Variants in SIPA1L1 observed in about 807,000 individuals in gnomAD.
SIPA1L1 encodes signal induced proliferation associated 1 like 1.
In SIPA1L1, 26 loss-of-function variants were observed where a neutral mutation model predicts 162.7. The ratio of observed to expected loss-of-function variants is 0.16; its 90% confidence interval spans 0.12 to 0.22. The LOEUF (loss-of-function observed/expected upper bound fraction) is 0.22. SIPA1L1 is among the 10% of genes least tolerant of loss of function. The probability of loss-of-function intolerance (pLI) is 1.00; values close to 1 mark genes in which losing one functional copy is unlikely to be tolerated. For missense variants in SIPA1L1, 1,874 were observed against 2,241.0 expected (o/e 0.84, Z 3.31); for synonymous variants, 829 against 837.4 (o/e 0.99, Z 0.17).
intron 4 of SIPA1L1, among the ~76,000 whole-genome samples, chr14:71,559,202 G>GGATTACAGGCATGCGCCACCA (rs1185954437): frequency 3.3e-5 from 5 of 151,808 alleles, no homozygotes; most frequent in African/African-American, 4.8e-5. Context: ...CGAGTACCTG[G>GGATTACAGGCATGCGCCACCA]GATTACAGGC....
intron 17 of SIPA1L1, among the ~76,000 whole-genome samples, chr14:71,717,812 G>T (rs2150123037): frequency 6.6e-6 from 1 of 152,274 alleles, no homozygotes; most frequent in South Asian, 2.1e-4. Flanking sequence ...AGAGTGGGAG[G>T]AGTTGAGGGG....
At chr14:71,682,058 AC>A (rs1261354618) in intron 12 of SIPA1L1, among the ~76,000 whole-genome samples, 1 of 152,320 alleles carries the variant, frequency 6.6e-6, no homozygotes, top group Non-Finnish European at 1.5e-5. Context: ...ACACAGTCTT[AC>A]CTACATAGTA....
chr14:71,646,398 A>G (rs1205062242), intron 7 of SIPA1L1, among the ~76,000 whole-genome samples: 5 of 152,104 alleles, frequency 3.3e-5, no homozygotes, highest in African/African-American at 7.2e-5. Context: ...GGATGCTCTC[A>G]ATCTCCTGAC....
chr14:71,585,674 G>A (rs954467960), intron 4 of SIPA1L1, among the ~76,000 whole-genome samples: 2 of 152,204 alleles, frequency 1.3e-5, no homozygotes, highest in Non-Finnish European at 2.9e-5. Flanking sequence ...TCCTTTTAGA[G>A]AATGAATGTT....
chr14:71,711,052 G>A (rs1194303847), intron 17 of SIPA1L1, among the ~76,000 whole-genome samples: 1 of 151,956 alleles, frequency 6.6e-6, no homozygotes, highest in East Asian at 1.9e-4. Flanking sequence ...TAAAATGTCA[G>A]GCCCCATGGA....
At chr14:71,681,133 A>G (rs1328432986) in intron 12 of SIPA1L1, among the ~76,000 whole-genome samples, 1 of 152,256 alleles carries the variant, frequency 6.6e-6, no homozygotes, top group East Asian at 1.9e-4. Context: ...GGAACCAGCT[A>G]GCATGACAGC....
intron 7 of SIPA1L1, among the ~76,000 whole-genome samples, chr14:71,642,061 C>G (rs2041768111): frequency 2.0e-5 from 3 of 152,340 alleles, no homozygotes; most frequent in Middle Eastern, 3.4e-3. Context: ...ATTTCTGCTT[C>G]TTGCTAAGAT....
chr14:71,574,725 C>T (rs2032712847), intron 4 of SIPA1L1: 1 of 150,948 alleles, frequency 6.6e-6, no homozygotes, highest in Non-Finnish European at 1.5e-5. Context: ...AAAAAGACTT[C>T]CTGCCACAAG....
intron 3 of SIPA1L1, among the ~76,000 whole-genome samples, chr14:71,513,341 G>A (rs774017625): frequency 3.3e-4 from 50 of 152,044 alleles, no homozygotes; most frequent in Non-Finnish European, 6.0e-4. Context: ...GAATTTGTTG[G>A]TGTGTGTAGA....
At chr14:71,635,889 A>G (rs1346323378) in intron 7 of SIPA1L1, among the ~76,000 whole-genome samples, 1 of 152,204 alleles carries the variant, frequency 6.6e-6, no homozygotes, top group Non-Finnish European at 1.5e-5. Flanking sequence ...CCATGCAAAC[A>G]TGAATCAAAG....
chr14:71,607,158 G>A (rs908748257), intron 5 of SIPA1L1, among the ~76,000 whole-genome samples: 3 of 151,690 alleles, frequency 2.0e-5, no homozygotes, highest in Admixed American at 6.6e-5. Flanking sequence ...AAGCTTCTCC[G>A]AGTTCCAGGG....
chr14:71,637,642 T>G (rs1172718926), intron 7 of SIPA1L1, among the ~76,000 whole-genome samples: 3 of 151,986 alleles, frequency 2.0e-5, no homozygotes. Context: ...GAGGATCAAT[T>G]AAGTCCAGAA....
intron 17 of SIPA1L1, among the ~76,000 whole-genome samples, chr14:71,719,321 C>G (rs1006764745): frequency 2.0e-5 from 3 of 152,138 alleles, no homozygotes; most frequent in African/African-American, 4.8e-5. Flanking sequence ...ATATCCATGT[C>G]AAGAATATAC....
intron 2 of SIPA1L1, among the ~76,000 whole-genome samples, chr14:71,363,631 A>G (rs138745831): frequency 2.0e-5 from 3 of 152,326 alleles, no homozygotes; most frequent in South Asian, 2.1e-4. Context: ...ATTTTAAATG[A>G]TTGTCATCTT....
At chr14:71,501,523 G>A (rs1287344976) in intron 2 of SIPA1L1, among the ~76,000 whole-genome samples, 1 of 152,066 alleles carries the variant, frequency 6.6e-6, no homozygotes, top group Non-Finnish European at 1.5e-5. Flanking sequence ...ACAAAAACAG[G>A]CAGAACTAAT....
intron 2 of SIPA1L1, among the ~76,000 whole-genome samples, chr14:71,494,930 C>T (rs945640822): frequency 3.9e-5 from 6 of 152,158 alleles, no homozygotes; most frequent in Admixed American, 2.0e-4. Context: ...TGAGCCACTG[C>T]GCCTGGCTCA....
intron 12 of SIPA1L1, among the ~76,000 whole-genome samples, chr14:71,683,457 G>A (rs948170537): frequency 1.3e-5 from 2 of 152,284 alleles, no homozygotes; most frequent in African/African-American, 4.8e-5. Context: ...ATAAATTTTA[G>A]TCAATATTCC....
At chr14:71,341,177 CTAGGTGAAATGTGAATATATATAGT>C (rs1342655449) in intron 2 of SIPA1L1, among the ~76,000 whole-genome samples, 1 of 152,128 alleles carries the variant, frequency 6.6e-6, no homozygotes, top group Non-Finnish European at 1.5e-5. Flanking sequence ...ATATGAATAG[CTAGGTGAAATGTGAATATATATAGT>C]TAGGTGAAAT....
At chr14:71,723,537 T>C in intron 17 of SIPA1L1, 110 bp from the exon 18 acceptor site, 9 of 1,250,706 alleles carry the variant, frequency 7.2e-6, no homozygotes, top group Non-Finnish European at 7.9e-6. Flanking sequence ...TAATAGTTCA[T>C]GAAAAATTCA....
Sources: allele counts gnomAD v4.1 joint callset (sites outside exome capture counted in the v4.1 genomes callset), GRCh38; gene constraint gnomAD v4.1.1; transcripts MANE v1.5; gene names NCBI Gene and HGNC (gene_info 2026-07-23, HGNC 2026-07-21).